LHFPL3: variants seen among roughly 807,000 people sequenced by gnomAD.
The protein encoded by LHFPL3 is LHFPL tetraspan subfamily member 3 protein.
Under a neutral mutation model 19.3 loss-of-function variants are expected in LHFPL3, and 5 were observed. That is an observed-to-expected ratio of 0.26 (90% CI 0.14 to 0.54). The LOEUF is 0.54. LHFPL3 is among the 20% of genes least tolerant of loss of function. LHFPL3 has a pLI of 0.94. For synonymous variants in LHFPL3, 133 were observed against 126.2 expected, an observed-to-expected ratio of 1.05 and a Z score of -0.36; for missense variants, 249 against 307.4, an observed-to-expected ratio of 0.81 and a Z score of 1.42.
At chr7:104,600,252 T>C (rs564885568) in intron 1 of LHFPL3, among the ~76,000 whole-genome samples, 1 of 152,374 alleles carries the variant, frequency 6.6e-6, no homozygotes, top group South Asian at 2.1e-4. Context: ...ATTTGAATAC[T>C]TTCTGAGCTG....
At chr7:104,755,809 C>A (rs1219360401) in intron 2 of LHFPL3, among the ~76,000 whole-genome samples, 1 of 152,194 alleles carries the variant, frequency 6.6e-6, no homozygotes. Context: ...GATTATCCTG[C>A]CTCAACCTCC....
At chr7:104,558,367 C>G (rs1037562536) in intron 1 of LHFPL3, among the ~76,000 whole-genome samples, 6 of 147,692 alleles carry the variant, frequency 4.1e-5, no homozygotes, top group Non-Finnish European at 9.1e-5. Context: ...TAATGATTGC[C>G]ATTCTAACTG....
At chr7:104,757,713 C>T (rs572425092) in intron 2 of LHFPL3, 5 of 152,634 alleles carry the variant, frequency 3.3e-5, no homozygotes, top group African/African-American at 1.2e-4. Flanking sequence ...CAGAAGCTGG[C>T]AAGGCTGTGG....
rs113532144 is a variant in LHFPL3, at chr7:104,491,495, G to A, written c.445+162271G>A. Among the ~76,000 whole-genome samples the A allele has an allele frequency of 2.5e-3, 386 of 152,154 alleles. 2 individuals carry two copies. Among genetic ancestry groups the A allele is most frequent in the African/African-American group, 8.5e-3 (355 of 41,534 alleles). ...TAAAAAAAAAAACAAATTATAGGTG[G>A]AAGAGGGAGGGCTGGACATAAAAAC... On this transcript the variant is annotated intron_variant, in intron 1 of 2. Coordinates refer to ENST00000424859, the MANE Select transcript of LHFPL3 (RefSeq NM_199000.3).
chr7:104,449,679 G>A (rs1382995625), intron 1 of LHFPL3, among the ~76,000 whole-genome samples: 1 of 152,224 alleles, frequency 6.6e-6, no homozygotes, highest in East Asian at 1.9e-4. Context: ...ACAGCCCAAC[G>A]GTAATCCTTT....
intron 1 of LHFPL3, among the ~76,000 whole-genome samples, chr7:104,477,358 G>A (rs746168064): frequency 2.0e-5 from 3 of 152,058 alleles, no homozygotes; most frequent in Non-Finnish European, 4.4e-5. Flanking sequence ...TCTATCAAGT[G>A]TTTGCCACAT....
intron 1 of LHFPL3, among the ~76,000 whole-genome samples, chr7:104,670,861 G>GTTTTTTTT (rs765180265): frequency 2.7e-5 from 4 of 146,488 alleles, no homozygotes; most frequent in Non-Finnish European, 3.0e-5. Context: ...AATGTGTTTT[G>GTTTTTTTT]TTTTGTTTTT....
At chr7:104,604,137 GGAGACC>G (rs1295150001) in intron 1 of LHFPL3, among the ~76,000 whole-genome samples, 5 of 152,164 alleles carry the variant, frequency 3.3e-5, no homozygotes, top group Non-Finnish European at 2.9e-5. Flanking sequence ...AAATCTAGGT[GGAGACC>G]GCCATGGCCC....
chr7:104,632,868 T>C (rs552771084), intron 1 of LHFPL3, among the ~76,000 whole-genome samples: 4 of 152,338 alleles, frequency 2.6e-5, no homozygotes, highest in Admixed American at 6.5e-5. Flanking sequence ...TTGCCCAGGC[T>C]GGTCTCAAAC....
At chr7:104,560,805 T>A (rs1459145447) in intron 1 of LHFPL3, among the ~76,000 whole-genome samples, 13 of 149,468 alleles carry the variant, frequency 8.7e-5, no homozygotes, top group African/African-American at 3.3e-4. Flanking sequence ...TCCTGCTTTC[T>A]CTTGTGGGCA....
chr7:104,439,211 CT>C (rs1261159605), intron 1 of LHFPL3, among the ~76,000 whole-genome samples: 1 of 152,140 alleles, frequency 6.6e-6, no homozygotes, highest in Admixed American at 6.6e-5. Context: ...TCCAAAACTG[CT>C]GGGATTACAG....
chr7:104,748,274 G>T (rs1216227645), intron 2 of LHFPL3, among the ~76,000 whole-genome samples: 1 of 151,898 alleles, frequency 6.6e-6, no homozygotes, highest in Non-Finnish European at 1.5e-5. Flanking sequence ...TTCTCCCCAT[G>T]TGATAGTCTG....
intron 2 of LHFPL3, among the ~76,000 whole-genome samples, chr7:104,795,068 G>C (rs776039049): frequency 4.6e-5 from 7 of 152,140 alleles, no homozygotes; most frequent in Non-Finnish European, 1.0e-4. Flanking sequence ...AAGTCCCCTA[G>C]AAACAAGTCA....
intron 2 of LHFPL3, among the ~76,000 whole-genome samples, chr7:104,883,527 T>C (rs1792092734): frequency 6.6e-6 from 1 of 152,180 alleles, no homozygotes; most frequent in Non-Finnish European, 1.5e-5. Flanking sequence ...TTTTCCTTAC[T>C]ATTTAATGAA....
intron 1 of LHFPL3, among the ~76,000 whole-genome samples, chr7:104,391,085 C>T (rs537582132): frequency 6.6e-6 from 1 of 152,046 alleles, no homozygotes; most frequent in Non-Finnish European, 1.5e-5. Flanking sequence ...TGGATATTAG[C>T]CCTTTGTCAG....
chr7:104,375,742 C>A (rs1562878718), intron 1 of LHFPL3, among the ~76,000 whole-genome samples: 2 of 152,204 alleles, frequency 1.3e-5, no homozygotes, highest in Non-Finnish European at 2.9e-5. Flanking sequence ...CAAACACTAT[C>A]CTGGATTCTT....
rs377243501 is a variant in LHFPL3 at position 104,532,906 on chromosome 7, CAG to C, written c.445+203685_445+203686del. Reference sequence around the variant, plus strand: ...TGAGTTGAGTAATTTATGAATTTGTCAGAGTGTCCAATGTAGAAGATGAACTA... The same window carrying C: ...TGAGTTGAGTAATTTATGAATTTGTCAGTGTCCAATGTAGAAGATGAACTA... On this transcript the variant is annotated intron_variant, in intron 1 of 2. Coordinates refer to ENST00000424859, the MANE Select transcript of LHFPL3 (RefSeq NM_199000.3). 4.1e-4 allele frequency among the ~76,000 whole-genome samples: 62 copies of C among 152,258 alleles called. 1 individual carries two copies. In the East Asian group the frequency reaches 0.012, roughly 29 times the overall value.
intron 1 of LHFPL3, among the ~76,000 whole-genome samples, chr7:104,602,813 A>C (rs1269523226): frequency 1.3e-5 from 2 of 152,208 alleles, no homozygotes; most frequent in Non-Finnish European, 2.9e-5. Context: ...GCATCTAGTG[A>C]GGACCTTATT....
At chr7:104,598,790 A>G (rs1268092664) in intron 1 of LHFPL3, among the ~76,000 whole-genome samples, 2 of 152,208 alleles carry the variant, frequency 1.3e-5, no homozygotes, top group African/African-American at 2.4e-5. Context: ...GGTCTTGATT[A>G]GGCTACTTCT....
Sources: allele counts gnomAD v4.1 joint callset (sites outside exome capture counted in the v4.1 genomes callset), GRCh38; gene constraint gnomAD v4.1.1; transcripts MANE v1.5; gene names NCBI Gene and HGNC (gene_info 2026-07-23, HGNC 2026-07-21).